ADORA1: variants seen among roughly 807,000 people sequenced by gnomAD.
The protein encoded by ADORA1 is adenosine receptor A1.
In ADORA1, 6 loss-of-function variants were observed where a neutral mutation model predicts 19.9. The ratio of observed to expected loss-of-function variants is 0.30; its 90% CI spans 0.17 to 0.59. The LOEUF (loss-of-function observed/expected upper bound fraction) is 0.59. Among genes scored for constraint, ADORA1 ranks in the 20% least tolerant of loss-of-function variants. The pLI, the probability that ADORA1 is intolerant of heterozygous loss-of-function variation, is 0.87. For synonymous variants in ADORA1, 194 were observed against 188.4 expected, an observed-to-expected ratio of 1.03 and a Z score of -0.24; for missense variants, 302 against 439.2, an observed-to-expected ratio of 0.69 and a Z score of 2.79.
Position 203,128,290 on chromosome 1 carries a change from G to T in ADORA1, c.-200G>T, listed in dbSNP as rs972015311. The T allele has an allele frequency of 1.6e-6, 2 of 1,274,234 alleles. No individual in the cohort carries two copies. The highest frequency in any genetic ancestry group is 1.5e-5 in the African/African-American group (1 of 65,438). The allele number at this position is 1,274,234 out of a possible 1,614,324, so 78.9% of individuals were successfully genotyped here. The stretch of plus-strand genomic sequence containing the variant: ...GATTGCTTGAAAGGCCGGGCTGGGA[G>T]CGCTGCGGCGGGAGCCGGAGGACTA... On this transcript the variant is annotated 5_prime_UTR_variant, in exon 2 of 4. Transcript: ENST00000337894. This position sits in a 1 kb window ranked among gnomAD's most constrained non-coding sequence, Gnocchi z 5.9.
chr1:203,165,294 G>A lies in ADORA1; in HGVS notation c.375G>A (p.Ala125=), dbSNP rs562367584. The change falls in exon 4 of 4, where the codon GCG becomes GCA. Residue 125 remains alanine, a synonymous_variant. Transcript: ENST00000337894. This position sits in a 1 kb window ranked among gnomAD's most constrained non-coding sequence, Gnocchi z 5.9. ...YKMVVTPRRA[A]VAIAGCWILS... ...TGGTGGTGACCCCCCGGAGGGCGGC[G>A]GTGGCCATAGCCGGCTGCTGGATCC... is the stretch of plus-strand genomic sequence containing the variant. The A allele has an allele frequency of 2.7e-5, 43 of 1,570,976 alleles. No individual in the cohort carries two copies. The highest frequency in any genetic ancestry group is 2.0e-4 in the South Asian group (17 of 83,686).
At chr1:203,134,082 G>A (rs199953268) in intron 3 of ADORA1, among the ~76,000 whole-genome samples, 16 of 151,116 alleles carry the variant, frequency 1.1e-4, no homozygotes, top group Non-Finnish European at 1.9e-4. Context: ...GTGTCTAAGA[G>A]GGAAGAGGAG....
chr1:203,162,679 C>T (rs1406118708), intron 3 of ADORA1, among the ~76,000 whole-genome samples: 2 of 152,224 alleles, frequency 1.3e-5, no homozygotes, highest in African/African-American at 4.8e-5. Context: ...CACAGTCAGC[C>T]TGGCACCCTG....
intron 3 of ADORA1, among the ~76,000 whole-genome samples, chr1:203,151,624 C>A (rs992889297): frequency 5.3e-5 from 8 of 152,100 alleles, no homozygotes; most frequent in African/African-American, 1.9e-4. Context: ...ACTGCGCCAG[C>A]CTCATCCTCA....
chr1:203,150,490 C>A, intron 3 of ADORA1: 1 of 652,252 alleles, frequency 1.5e-6, no homozygotes, highest in Non-Finnish European at 2.2e-6. Context: ...AAGAGAGCAT[C>A]AGGAGATACC....
At chr1:203,144,406 C>T (rs2102747736) in intron 3 of ADORA1, among the ~76,000 whole-genome samples, 1 of 152,286 alleles carries the variant, frequency 6.6e-6, no homozygotes, top group East Asian at 1.9e-4. Context: ...CTTAGGATTG[C>T]TAGGCCCTGT....
intron 3 of ADORA1, among the ~76,000 whole-genome samples, chr1:203,140,045 A>G (rs575651047): frequency 6.6e-6 from 1 of 152,364 alleles, no homozygotes; most frequent in African/African-American, 2.4e-5. Context: ...TTAGCAAATC[A>G]AATCCGGTGA....
chr1:203,165,396 C>T lies in ADORA1; in HGVS notation c.477C>T (p.Asn159=), dbSNP rs200736150. 109 of 1,609,236 alleles carry T rather than the reference C, an allele frequency of 6.8e-5. No homozygotes were observed. Among genetic ancestry groups the T allele is most frequent in the South Asian group, 1.7e-4 (15 of 89,900 alleles). The change falls in exon 4 of 4, where the codon AAC becomes AAT. Residue 159 remains asparagine (N), a synonymous_variant. Transcript: ENST00000337894. This position sits in a 1 kb window ranked among gnomAD's most constrained non-coding sequence, Gnocchi z 5.9. ...CGGTGGAGCGGGCCTGGGCAGCCAA[C>T]GGCAGCATGGGGGAGCCCGTGATCA... ...LSAVERAWAA[N]GSMGEPVIKC...
intron 3 of ADORA1, among the ~76,000 whole-genome samples, chr1:203,136,459 T>G (rs1395846737): frequency 6.6e-6 from 1 of 152,074 alleles, no homozygotes; most frequent in East Asian, 1.9e-4. Flanking sequence ...CAACATCCAT[T>G]TATCTATTTT....
chr1:203,158,161 ATC>A lies in ADORA1; in HGVS notation c.342-7096_342-7095del, dbSNP rs200020864. Among the ~76,000 whole-genome samples the A allele has an allele frequency of 7.3e-3, 1,117 of 152,314 alleles. 18 individuals carry two copies. Among genetic ancestry groups the A allele is most frequent in the South Asian group, 0.041 (199 of 4,822 alleles). On this transcript the variant is annotated intron_variant, in intron 3 of 3. Transcript: ENST00000337894. ...CGATGATAAGTTTCATCTTTAAATC[ATC>A]TCTGTCTTCCTTCACTTTGCTATAA... is the stretch of plus-strand genomic sequence containing the variant.
At chr1:203,152,963 T>A (rs1485888215) in intron 3 of ADORA1, among the ~76,000 whole-genome samples, 1 of 152,142 alleles carries the variant, frequency 6.6e-6, no homozygotes, top group Non-Finnish European at 1.5e-5. Context: ...GAGGCAAATA[T>A]ACTTTGAAAA....
chr1:203,153,822 C>A, intron 3 of ADORA1, among the ~76,000 whole-genome samples: 1 of 152,184 alleles, frequency 6.6e-6, no homozygotes. Context: ...AAGAATTTCT[C>A]CACAGGAAGT....
chr1:203,161,666 G>A (rs1190622259), intron 3 of ADORA1, among the ~76,000 whole-genome samples: 1 of 151,720 alleles, frequency 6.6e-6, no homozygotes, highest in Non-Finnish European at 1.5e-5. Flanking sequence ...CCGCCTCCTG[G>A]GTTCAAGCAA....
At chr1:203,145,975 T>A (rs371934128) in intron 3 of ADORA1, among the ~76,000 whole-genome samples, 1 of 152,198 alleles carries the variant, frequency 6.6e-6, no homozygotes, top group Non-Finnish European at 1.5e-5. Context: ...TCAGAGTGTG[T>A]TCTGCCACTG....
chr1:203,148,576 CT>C (rs1347022764), intron 3 of ADORA1, among the ~76,000 whole-genome samples: 1 of 152,216 alleles, frequency 6.6e-6, no homozygotes, highest in Non-Finnish European at 1.5e-5. Flanking sequence ...CTTGGCCCCC[CT>C]AGCCAGCCAG....
chr1:203,145,212 G>A (rs904420988), intron 3 of ADORA1: 2 of 152,332 alleles, frequency 1.3e-5, no homozygotes, highest in Admixed American at 6.5e-5. Flanking sequence ...ACAACTCCAA[G>A]GCCTAGAGAG....
intron 3 of ADORA1, among the ~76,000 whole-genome samples, chr1:203,137,080 A>G (rs1654534511): frequency 6.6e-6 from 1 of 152,134 alleles, no homozygotes; most frequent in African/African-American, 2.4e-5. Flanking sequence ...GGTAAATGGG[A>G]TTGGAAATGC....
intron 3 of ADORA1, among the ~76,000 whole-genome samples, chr1:203,155,930 C>G (rs572744109): frequency 6.6e-6 from 1 of 152,266 alleles, no homozygotes; most frequent in East Asian, 1.9e-4. Context: ...CCTTTCTAAT[C>G]TGACTGTCTC....
chr1:203,137,799 G>C lies in ADORA1; in HGVS notation c.341+8617G>C, dbSNP rs557632480. Among the ~76,000 whole-genome samples, 165 of 152,156 alleles carry C rather than the reference G, an allele frequency of 1.1e-3. 2 individuals are homozygous for C. Among genetic ancestry groups the C allele is most frequent in the African/African-American group, 3.8e-3 (156 of 41,512 alleles). ...TAGGACACTTCCAGCATTGTATGGGGCTCCCTCCCAGTCAGTACCCTCCAA... is the reference window on the plus strand; with the variant it reads ...TAGGACACTTCCAGCATTGTATGGGCCTCCCTCCCAGTCAGTACCCTCCAA... On this transcript the variant is annotated intron_variant, in intron 3 of 3. Transcript: ENST00000337894.
Sources: allele counts gnomAD v4.1 joint callset (sites outside exome capture counted in the v4.1 genomes callset), GRCh38; gene constraint gnomAD v4.1.1; non-coding constraint Gnocchi (gnomAD v3.1); transcripts MANE v1.5; gene names NCBI Gene and HGNC (gene_info 2026-07-23, HGNC 2026-07-21).